The following COLGALT2 variants were observed in gnomAD, a reference collection of about 807,000 sequenced individuals.
COLGALT2 encodes the protein procollagen galactosyltransferase 2.
A neutral mutation model predicts 73.4 loss-of-function variants in COLGALT2; 49 were observed. That is an observed-to-expected ratio of 0.67 (90% confidence interval 0.53 to 0.85). COLGALT2 has a LOEUF of 0.85. Ranked by LOEUF, COLGALT2 falls within the 40% of genes least tolerant of loss-of-function variation. The pLI is 0.00. For missense variants in COLGALT2, 722 were observed against 790.2 expected (o/e 0.91, Z 1.03); for synonymous variants, 295 against 307.6 (o/e 0.96, Z 0.43).
intron 1 of COLGALT2, among the ~76,000 whole-genome samples, chr1:184,019,325 G>A (rs1649104477): frequency 6.6e-6 from 1 of 152,132 alleles, no homozygotes; most frequent in African/African-American, 2.4e-5. Flanking sequence ...AAATAATTAC[G>A]CATTGAGACT....
intron 1 of COLGALT2, among the ~76,000 whole-genome samples, chr1:183,979,384 T>C (rs1671289309): frequency 6.6e-6 from 1 of 151,974 alleles, no homozygotes; most frequent in Non-Finnish European, 1.5e-5. Context: ...GGCCAAAGAG[T>C]ATTAAGATGA....
At chr1:183,980,457 T>C (rs1425230439) in intron 1 of COLGALT2, among the ~76,000 whole-genome samples, 2 of 152,094 alleles carry the variant, frequency 1.3e-5, no homozygotes, top group African/African-American at 2.4e-5. Flanking sequence ...AACTCGATGA[T>C]AAATTTGAAA....
intron 5 of COLGALT2, 171 bp from the exon 6 acceptor site, chr1:183,964,191 T>A: frequency 1.8e-6 from 1 of 558,152 alleles, no homozygotes; most frequent in Non-Finnish European, 3.0e-6. Flanking sequence ...ATTAAAAAAG[T>A]AAAACACAGC....
At chr1:184,022,670 C>T (rs1649212709) in intron 1 of COLGALT2, among the ~76,000 whole-genome samples, 1 of 152,174 alleles carries the variant, frequency 6.6e-6, no homozygotes, top group Non-Finnish European at 1.5e-5. Flanking sequence ...TACTTGACAA[C>T]TGATATATAG....
At chr1:183,955,037 A>G (rs1670514973) in intron 6 of COLGALT2, among the ~76,000 whole-genome samples, 199 bp from the exon 7 acceptor site, 1 of 152,194 alleles carries the variant, frequency 6.6e-6, no homozygotes, top group African/African-American at 2.4e-5. Context: ...GCATTTGATT[A>G]TATGGAGATT....
intron 4 of COLGALT2, among the ~76,000 whole-genome samples, chr1:183,972,790 C>T (rs769593781): frequency 6.6e-6 from 1 of 152,076 alleles, no homozygotes; most frequent in African/African-American, 2.4e-5. Flanking sequence ...AGCTCCGCCT[C>T]CCAAGTTCAC....
intron 1 of COLGALT2, among the ~76,000 whole-genome samples, chr1:184,015,770 C>T (rs1204643048): frequency 6.6e-6 from 1 of 152,112 alleles, no homozygotes; most frequent in Non-Finnish European, 1.5e-5. Context: ...GATGACAAGC[C>T]AGGGAGTTCA....
chr1:183,934,633 G>A (rs1201792707), downstream of COLGALT2, among the ~76,000 whole-genome samples: 1 of 152,072 alleles, frequency 6.6e-6, no homozygotes, highest in Non-Finnish European at 1.5e-5. Context: ...CTTCTGTCAG[G>A]GAGATCACTT....
At chr1:183,968,007 C>T (rs1291732251) in intron 5 of COLGALT2, among the ~76,000 whole-genome samples, 2 of 152,226 alleles carry the variant, frequency 1.3e-5, no homozygotes, top group Admixed American at 1.3e-4. Flanking sequence ...AAATCTACAA[C>T]TGATGAGTGG....
intron 7 of COLGALT2, 84 bp from the exon 8 acceptor site, chr1:183,951,197 A>G: frequency 1.1e-6 from 1 of 934,282 alleles, no homozygotes. Flanking sequence ...TAAATGTTTT[A>G]GATAGAAGAA....
At chr1:183,981,842 C>G (rs1671360728) in intron 1 of COLGALT2, among the ~76,000 whole-genome samples, 1 of 152,032 alleles carries the variant, frequency 6.6e-6, no homozygotes, top group African/African-American at 2.4e-5. Context: ...CATTGTTAAG[C>G]AAAGCACAGT....
chr1:183,984,353 T>C (rs137987237), intron 1 of COLGALT2, among the ~76,000 whole-genome samples: 2,872 of 152,300 alleles, frequency 0.019, 69 homozygotes, highest in African/African-American at 0.055. Flanking sequence ...TGCAGTGAGC[T>C]GAGATCGTGC....
chr1:183,944,138 C>T, intron 10 of COLGALT2, 58 bp downstream of exon 10: 1 of 1,534,236 alleles, frequency 6.5e-7, no homozygotes, highest in South Asian at 1.3e-5. Flanking sequence ...GCTCTCTGCG[C>T]ATTGGAAAGG....
chr1:183,963,808 T>G, intron 6 of COLGALT2, 93 bp downstream of exon 6: 1,203 of 1,302,432 alleles, frequency 9.2e-4, no homozygotes, highest in Non-Finnish European at 1.1e-3. Context: ...CTGATGGCTG[T>G]GAGATTCCAA....
intron 1 of COLGALT2, among the ~76,000 whole-genome samples, chr1:183,991,646 C>A (rs1217934865): frequency 6.6e-6 from 1 of 152,168 alleles, no homozygotes; most frequent in Non-Finnish European, 1.5e-5. Context: ...AATTTTCAGT[C>A]TGGTCTTCCC....
At chr1:183,950,940 C>T (rs1184940093) in intron 8 of COLGALT2, 67 bp downstream of exon 8, 33 of 1,203,770 alleles carry the variant, frequency 2.7e-5, no homozygotes, top group Non-Finnish European at 3.9e-5. Flanking sequence ...CTGGGACTAA[C>T]TCTCTGTCAG....
At chr1:183,963,858 G>A (rs1368449122) in intron 6 of COLGALT2, 43 bp downstream of exon 6, 15 of 1,514,300 alleles carry the variant, frequency 9.9e-6, no homozygotes, top group Non-Finnish European at 1.2e-5. Flanking sequence ...GGTCACTGTG[G>A]CAATGGAACG....
chr1:184,033,369 T>C (rs1429309541), intron 1 of COLGALT2, among the ~76,000 whole-genome samples: 1 of 152,170 alleles, frequency 6.6e-6, no homozygotes, highest in Non-Finnish European at 1.5e-5. Flanking sequence ...GCCTCACAGT[T>C]CCCTTCATCT....
At chr1:184,001,047 A>T (rs892400158) in intron 1 of COLGALT2, among the ~76,000 whole-genome samples, 1 of 151,888 alleles carries the variant, frequency 6.6e-6, no homozygotes, top group Non-Finnish European at 1.5e-5. Flanking sequence ...GTTAGCCAGG[A>T]TGTTCTCGGT....
Sources: allele counts gnomAD v4.1 joint callset (sites outside exome capture counted in the v4.1 genomes callset), GRCh38; gene constraint gnomAD v4.1.1; transcripts MANE v1.5; gene names NCBI Gene and HGNC (gene_info 2026-07-23, HGNC 2026-07-21).